Variants in EVA1C observed in about 807,000 individuals in gnomAD.
EVA1C encodes the protein protein eva-1 homolog C.
In EVA1C, 25 loss-of-function variants were observed where a neutral mutation model predicts 45.4. That is an observed-to-expected ratio of 0.55 (90% CI 0.40 to 0.77). The LOEUF (loss-of-function observed/expected upper bound fraction) is 0.77, where lower values mean the gene tolerates loss of function less well. Ranked by LOEUF, EVA1C falls within the 30% of genes least tolerant of loss-of-function variation. The probability of loss-of-function intolerance (pLI) is 0.00; values close to 1 mark genes in which losing one functional copy is unlikely to be tolerated. For synonymous variants in EVA1C, 190 were observed against 221.2 expected, an observed-to-expected ratio of 0.86 and a Z score of 1.25; for missense variants, 479 against 554.8, an observed-to-expected ratio of 0.86 and a Z score of 1.37.
intron 6 of EVA1C, among the ~76,000 whole-genome samples, chr21:32,501,993 T>C (rs1452092506): frequency 4.2e-3 from 32 of 7,668 alleles, no homozygotes; most frequent in Non-Finnish European, 7.1e-3. Context: ...CTTTTCTTTC[T>C]TTCTTTCTTT....
intron 1 of EVA1C, among the ~76,000 whole-genome samples, chr21:32,444,201 C>T (rs2035286758): frequency 6.6e-6 from 1 of 152,204 alleles, no homozygotes; most frequent in Non-Finnish European, 1.5e-5. Flanking sequence ...ACAATCAATT[C>T]TGCAGCAAAT....
chr21:32,435,002 T>A (rs984071356), intron 1 of EVA1C, among the ~76,000 whole-genome samples: 5,583 of 137,634 alleles, frequency 0.041, no homozygotes, highest in African/African-American at 0.086. Context: ...TTGTCTTCAT[T>A]TTATCTTCGT....
chr21:32,451,964 C>T (rs1029456330), intron 1 of EVA1C, among the ~76,000 whole-genome samples: 7 of 152,302 alleles, frequency 4.6e-5, no homozygotes, highest in Admixed American at 1.3e-4. Flanking sequence ...GCCCCACCAT[C>T]GCCTCCCTGC....
In EVA1C at chr21:32,469,157, C is replaced by T. The variant is rs1490030832; in HGVS notation, c.634+1309C>T. The stretch of plus-strand genomic sequence containing the variant: ...CATCAATGGCACAACACAAAGTCTA[C>T]ACCCTCGTGGAGCTGACGTTCCAGC... On this transcript the variant is annotated intron_variant, in intron 4 of 7. Transcript: ENST00000300255. Among the ~76,000 whole-genome samples the T allele has an allele frequency of 3.3e-5, 5 of 152,202 alleles. No homozygotes were observed. In the East Asian group the frequency reaches 9.6e-4, roughly 29 times the overall value.
intron 1 of EVA1C, among the ~76,000 whole-genome samples, chr21:32,435,187 C>T (rs1455641944): frequency 6.6e-6 from 1 of 151,876 alleles, no homozygotes; most frequent in Non-Finnish European, 1.5e-5. Flanking sequence ...TCTTTGTTGT[C>T]CCATCTCTTT....
intron 1 of EVA1C, among the ~76,000 whole-genome samples, chr21:32,441,863 C>T (rs893166116): frequency 9.2e-5 from 14 of 152,124 alleles, no homozygotes; most frequent in South Asian, 2.1e-4. Flanking sequence ...TAGCCCAGAA[C>T]GAGGTTTCTT....
chr21:32,493,310 T>G (rs573093852), intron 4 of EVA1C, among the ~76,000 whole-genome samples: 58 of 152,314 alleles, frequency 3.8e-4, no homozygotes, highest in Non-Finnish European at 7.5e-4. Flanking sequence ...TCCTCTACAC[T>G]GTCCCCTAAA....
At chr21:32,485,696 T>G (rs2036950760) in intron 4 of EVA1C, among the ~76,000 whole-genome samples, 1 of 152,156 alleles carries the variant, frequency 6.6e-6, no homozygotes, top group Non-Finnish European at 1.5e-5. Context: ...CTTTTCCCAC[T>G]CTTGTCTAAG....
intron 1 of EVA1C, among the ~76,000 whole-genome samples, chr21:32,431,072 C>T (rs1014062834): frequency 2.6e-5 from 4 of 152,128 alleles, no homozygotes; most frequent in African/African-American, 9.7e-5. Context: ...AGGTCCCTCC[C>T]ACAACATGTG....
At position 32,423,513 on chromosome 21, in the gene EVA1C, T is replaced by A. The variant is rs531506219; in HGVS notation, c.160+10500T>A. On this transcript the variant is annotated intron_variant, in intron 1 of 7. Transcript: ENST00000300255. The stretch of plus-strand genomic sequence containing the variant: ...ACAGAGGAGTTTGAGGGATGAGCAA[T>A]CGATTTGGCAGGTCACATTCTCCAA... 4.6e-5 allele frequency among the ~76,000 whole-genome samples: 7 copies of A among 152,110 alleles called. No homozygotes were observed. The South Asian group carries it at 1.5e-3, about 32-fold the overall frequency.
chr21:32,430,972 C>CAAAA (rs1038641892), intron 1 of EVA1C, among the ~76,000 whole-genome samples: 12 of 103,118 alleles, frequency 1.2e-4, no homozygotes, highest in Non-Finnish European at 1.9e-4. Flanking sequence ...GACTTGGTCT[C>CAAAA]AAAAAAAAAA....
intron 4 of EVA1C, among the ~76,000 whole-genome samples, chr21:32,475,664 A>G (rs1478366855): frequency 1.3e-5 from 2 of 152,062 alleles, no homozygotes; most frequent in Non-Finnish European, 1.5e-5. Flanking sequence ...AGACACATCA[A>G]ATAATTTACG....
At chr21:32,431,290 C>G (rs940234047) in intron 1 of EVA1C, among the ~76,000 whole-genome samples, 5 of 152,254 alleles carry the variant, frequency 3.3e-5, no homozygotes, top group African/African-American at 1.2e-4. Context: ...AGGACCAAGA[C>G]TGGACCCACA....
intron 1 of EVA1C, among the ~76,000 whole-genome samples, chr21:32,425,469 C>T (rs557301049): frequency 6.6e-6 from 1 of 152,120 alleles, no homozygotes; most frequent in South Asian, 2.1e-4. Context: ...CAGATAGGAG[C>T]CACTGTGCCT....
chr21:32,484,658 A>T lies in EVA1C; in HGVS notation c.635-10369A>T, dbSNP rs190510206. Among the ~76,000 whole-genome samples, 5 of 152,060 alleles carry T rather than the reference A, an allele frequency of 3.3e-5. No homozygotes were observed. In the East Asian group the frequency reaches 9.7e-4, roughly 29 times the overall value. ...TACCTGGGCTGTGAATTCCTCCCCTACTTAGAGACTCTTGCTTCTTTCTCT... is the reference window on the plus strand; with the variant it reads ...TACCTGGGCTGTGAATTCCTCCCCTTCTTAGAGACTCTTGCTTCTTTCTCT... On this transcript the variant is annotated intron_variant, in intron 4 of 7. Transcript: ENST00000300255.
At chr21:32,472,496 C>T (rs1240732591) in intron 4 of EVA1C, among the ~76,000 whole-genome samples, 1 of 152,062 alleles carries the variant, frequency 6.6e-6, no homozygotes, top group Non-Finnish European at 1.5e-5. Flanking sequence ...ATACCAGACG[C>T]AGTGGTTTAT....
intron 1 of EVA1C, among the ~76,000 whole-genome samples, chr21:32,441,468 A>C (rs2035170645): frequency 6.6e-6 from 1 of 151,434 alleles, no homozygotes; most frequent in South Asian, 2.1e-4. Flanking sequence ...ACAAGAAGGC[A>C]CCGTGGCTGA....
chr21:32,458,568 G>A (rs2035878003), intron 3 of EVA1C, among the ~76,000 whole-genome samples: 2 of 147,784 alleles, frequency 1.4e-5, no homozygotes, highest in African/African-American at 2.5e-5. Flanking sequence ...CACAACTTTC[G>A]CCTCCCGGGT....
intron 4 of EVA1C, among the ~76,000 whole-genome samples, chr21:32,480,302 T>TAAAAAAAAAAAAAAAA (rs56902183): frequency 7.6e-5 from 8 of 105,178 alleles, no homozygotes; most frequent in South Asian, 3.3e-4. Context: ...CCCTGTCTCT[T>TAAAAAAAAAAAAAAAA]AAAAAAAAAA....
Sources: gnomAD v4.1 joint callset for allele counts (sites outside exome capture counted in the v4.1 genomes callset) on GRCh38, gnomAD v4.1.1 for gene constraint, MANE v1.5 for transcripts, NCBI Gene and HGNC (gene_info 2026-07-23, HGNC 2026-07-21) for gene names.